The following EFR3B variants were observed in gnomAD, a reference collection of about 807,000 sequenced individuals.
EFR3B encodes the protein protein EFR3 homolog B.
In EFR3B, 64 loss-of-function variants were observed where a neutral mutation model predicts 104.7. The observed-to-expected ratio is 0.61, with a 90% CI of 0.50 to 0.75. EFR3B has a LOEUF of 0.75. EFR3B is among the 30% of genes least tolerant of loss of function. EFR3B has a pLI of 0.00. For missense variants in EFR3B, 750 were observed against 1,078.5 expected, an observed-to-expected ratio of 0.70 and a Z score of 4.27; for synonymous variants, 385 against 417.9, an observed-to-expected ratio of 0.92 and a Z score of 0.96.
rs1671160634 is a variant in EFR3B, at chr2:25,156,100, G to A, written c.*1760G>A. 1 of 152,110 alleles carries A rather than the reference G, an allele frequency of 6.6e-6. No homozygotes were observed. The highest frequency in any genetic ancestry group is 1.5e-5 in the Non-Finnish European group (1 of 68,038). The allele number at this position is 152,110 out of a possible 1,614,324, so 9.4% of individuals were successfully genotyped here. On this transcript the variant is annotated 3_prime_UTR_variant, in exon 23 of 23. Coordinates refer to ENST00000403714, the MANE Select transcript of EFR3B (RefSeq NM_014971.2). ...TGGTGTGCACGGATGTGCAGGGAGA[G>A]CCTGATTGTTAGGTGGATGTATTTT... is the stretch of plus-strand genomic sequence containing the variant.
intron 3 of EFR3B, among the ~76,000 whole-genome samples, chr2:25,097,553 G>A (rs1236435497): frequency 6.6e-6 from 1 of 152,118 alleles, no homozygotes; most frequent in Admixed American, 6.5e-5. Flanking sequence ...TCCCCACATT[G>A]TCACCCCATT....
At chr2:25,050,186 C>T (rs190120106) in intron 1 of EFR3B, among the ~76,000 whole-genome samples, 13 of 151,810 alleles carry the variant, frequency 8.6e-5, no homozygotes, top group Admixed American at 6.6e-4. Context: ...TTCACTCATT[C>T]CTGTGAGCAG....
chr2:25,093,637 G>T (rs1669196925), intron 3 of EFR3B, among the ~76,000 whole-genome samples: 1 of 152,134 alleles, frequency 6.6e-6, no homozygotes, highest in South Asian at 2.1e-4. Flanking sequence ...AGAAAAGGGT[G>T]TTGGCTTCCT....
intron 4 of EFR3B, among the ~76,000 whole-genome samples, chr2:25,118,726 C>CAAA (rs869026900): frequency 0.23 from 7,720 of 33,578 alleles, 2,862 homozygotes; most frequent in Non-Finnish European, 0.27. Flanking sequence ...CCTGTCTCTA[C>CAAA]AAAAAAAAAA....
At chr2:25,145,108 G>A (rs1274220415) in intron 19 of EFR3B, 57 bp downstream of exon 19, 1 of 1,476,160 alleles carries the variant, frequency 6.8e-7, no homozygotes, top group Non-Finnish European at 9.3e-7. Flanking sequence ...TTGGACGCTG[G>A]ACTCCAGGCT....
chr2:25,124,331 T>TGA (rs1553394813), intron 5 of EFR3B, among the ~76,000 whole-genome samples: 10 of 131,398 alleles, frequency 7.6e-5, no homozygotes, highest in African/African-American at 1.2e-4. Context: ...TGTGTGTGTG[T>TGA]GATTCCTCAG....
At chr2:25,046,325 C>T (rs13003179) in intron 1 of EFR3B, among the ~76,000 whole-genome samples, 64,609 of 151,316 alleles carry the variant, frequency 0.43, 16,666 homozygotes, top group Middle Eastern at 0.61. Context: ...GCGGAGGTTG[C>T]AGTGATCAGA....
Position 25,137,430 on chromosome 2 carries a change from G to A in EFR3B, c.1650G>A (p.Leu550=). 6.4e-7 allele frequency: 1 copy of A among 1,551,784 alleles called. No homozygotes were observed. The highest frequency in any genetic ancestry group is 1.4e-5 in the African/African-American group (1 of 73,162). The change falls in exon 15 of 23, where the codon CTG becomes CTA. Residue 550 remains leucine, a synonymous_variant. Transcript: ENST00000403714. This position sits in a 1 kb window ranked among gnomAD's most constrained non-coding sequence, Gnocchi z 4.7. ...ACTACGAGGCGCTCTATGGCTTGCT[G>A]GCCCTCATCAGCATCGAGCTGGCTA... ...QKHYEALYGL[L]ALISIELANE...
rs1292873964 is a variant in EFR3B, at chr2:25,130,254, C to T, written c.770+145C>T. The T allele has an allele frequency of 6.1e-5, 81 of 1,327,784 alleles. No individual in the cohort carries two copies. Among genetic ancestry groups the T allele is most frequent in the Non-Finnish European group, 7.6e-5 (75 of 981,400 alleles). The allele number at this position is 1,327,784 out of a possible 1,614,324, so 82.3% of individuals were successfully genotyped here. On this transcript the variant is annotated intron_variant, in intron 7 of 22. Transcript: ENST00000403714. This position sits in a 1 kb window ranked among gnomAD's most constrained non-coding sequence, Gnocchi z 4.6. The stretch of plus-strand genomic sequence containing the variant: ...TCGATCCCTTCCCTGTGCCTGTGTT[C>T]CCTGCACTGTGACAGCAAAAGCTGC...
intron 4 of EFR3B, among the ~76,000 whole-genome samples, chr2:25,105,186 T>C (rs962419224): frequency 6.6e-6 from 1 of 152,210 alleles, no homozygotes; most frequent in African/African-American, 2.4e-5. Context: ...TGAGCCTCGC[T>C]CTGTCACCTA....
chr2:25,126,048 T>G (rs1023869437), intron 5 of EFR3B, among the ~76,000 whole-genome samples: 19 of 152,254 alleles, frequency 1.2e-4, no homozygotes, highest in African/African-American at 4.6e-4. Context: ...GAGGATTTTT[T>G]GGAGTCATAA....
rs1558613886 is a variant in EFR3B at position 25,130,021 on chromosome 2, C to T, written c.682C>T (p.Pro228Ser). ...AGCACCTGAGAAGGAGAAAGAGAGC[C>T]CCGCGGAGCTGGCTGAGAGGTGTCT... ...LQAPEKEKESPAELAERCLRE... is the reference protein window; with the variant it reads ...LQAPEKEKESSAELAERCLRE... The change falls in exon 7 of 23, where the codon CCC (proline) becomes TCC (serine). Residue 228 changes from proline (P) to serine (S), a missense_variant. Physicochemically the swap from Pro to Ser is moderately conservative, Grantham distance 74. Coordinates refer to ENST00000403714, the MANE Select transcript of EFR3B (RefSeq NM_014971.2). The surrounding 1 kb of genome is among the most constrained non-coding windows in gnomAD (Gnocchi z 4.6). The T allele has an allele frequency of 6.4e-6, 10 of 1,551,666 alleles. No homozygotes were observed. Among genetic ancestry groups the T allele is most frequent in the Middle Eastern group, 1.7e-4 (1 of 6,006 alleles).
chr2:25,050,130 G>GAA (rs766281554), intron 1 of EFR3B, among the ~76,000 whole-genome samples: 1 of 138,766 alleles, frequency 7.2e-6, no homozygotes, highest in African/African-American at 2.6e-5. Context: ...AACTCCATCT[G>GAA]AAAAAAAAAA....
chr2:25,098,650 G>C (rs922170152), intron 3 of EFR3B, among the ~76,000 whole-genome samples: 1 of 152,132 alleles, frequency 6.6e-6, no homozygotes, highest in Non-Finnish European at 1.5e-5. Flanking sequence ...GCTTTGAAAA[G>C]CTCAAGTTCA....
rs1394075401 is a variant in EFR3B, at chr2:25,042,750, A to C, written c.7+431A>C. On this transcript the variant is annotated intron_variant, in intron 1 of 22. Coordinates refer to ENST00000403714, the MANE Select transcript of EFR3B (RefSeq NM_014971.2). This position sits in a 1 kb window ranked among gnomAD's most constrained non-coding sequence, Gnocchi z 5.4. ...GCCGGTCGTCTGCGCGGCTCGGAGA[A>C]GGCGGGAGGCGGCGCCGGCGGCGCA... 7 of 963,038 alleles carry C rather than the reference A, an allele frequency of 7.3e-6. No homozygotes were observed. The East Asian group carries it at 7.8e-4, about 108-fold the overall frequency. 59.7% of individuals were successfully genotyped at this position (963,038 alleles called of 1,614,324 possible).
chr2:25,153,726 G>C lies in EFR3B; in HGVS notation c.2313G>C (p.Gln771His), dbSNP rs1454888370. 6.4e-7 allele frequency: 1 copy of C among 1,551,694 alleles called. No individual in the cohort carries two copies. Among genetic ancestry groups the C allele is most frequent in the Admixed American group, 2.0e-5 (1 of 51,004 alleles). The stretch of plus-strand genomic sequence containing the variant: ...TTTGTGTCTAGGCATCGCTGCTCCA[G>C]AGCAAACTCAATCAGATCTTTGAAA... ...AHCGARASLL[Q>H]SKLNQIFEIT... Residue 771 changes from glutamine to histidine, a missense_variant, in exon 22 of 23, where the codon CAG (glutamine) becomes CAC (histidine). Transcript: ENST00000403714.
chr2:25,063,239 C>T (rs567245846), intron 1 of EFR3B, among the ~76,000 whole-genome samples: 2 of 152,216 alleles, frequency 1.3e-5, no homozygotes, highest in East Asian at 1.9e-4. Context: ...TGTGCCTGGC[C>T]GAAGGATTGA....
intron 1 of EFR3B, among the ~76,000 whole-genome samples, chr2:25,084,392 A>G (rs1023689550): frequency 3.3e-5 from 5 of 151,894 alleles, no homozygotes; most frequent in Non-Finnish European, 7.4e-5. Flanking sequence ...GCGCGCTGCC[A>G]CGCCCTGCTA....
At chr2:25,142,234 G>T (rs1172448597) in intron 17 of EFR3B, among the ~76,000 whole-genome samples, 1 of 152,148 alleles carries the variant, frequency 6.6e-6, no homozygotes, top group Non-Finnish European at 1.5e-5. Context: ...CTTGAGGTCA[G>T]AAGTTCGAGA....
Sources: allele counts gnomAD v4.1 joint callset (sites outside exome capture counted in the v4.1 genomes callset), GRCh38; gene constraint gnomAD v4.1.1; non-coding constraint Gnocchi (gnomAD v3.1); transcripts MANE v1.5; gene names NCBI Gene and HGNC (gene_info 2026-07-23, HGNC 2026-07-21).